DNAH12: variants seen among roughly 807,000 people sequenced by gnomAD.
DNAH12 encodes dynein axonemal heavy chain 12, also known as axonemal beta dynein heavy chain 12.
A neutral mutation model predicts 371.5 loss-of-function variants in DNAH12; 285 were observed. The observed-to-expected ratio is 0.77, with a 90% CI of 0.70 to 0.85. The LOEUF is 0.85. DNAH12 is among the 40% of genes least tolerant of loss of function. The pLI is 0.00. For synonymous variants in DNAH12, 1,200 were observed against 1,213.0 expected (o/e 0.99, Z 0.22); for missense variants, 3,611 against 3,689.4 (o/e 0.98, Z 0.55).
chr3:57,446,284 AAAAGG>A lies in DNAH12; in HGVS notation c.3940-19_3940-15del. On this transcript the variant is annotated splice_polypyrimidine_tract_variant and intron_variant, in intron 26 of 73. Transcript: ENST00000495027. ...TCCTTTAAAAAACTAAGGACAAAGA[AAAAGG>A]AAAGTGATTTTTTTCTCAGGAAAGG... 6.5e-7 allele frequency: 1 copy of A among 1,542,290 alleles called. No individual in the cohort carries two copies. Among genetic ancestry groups the A allele is most frequent in the Non-Finnish European group, 8.8e-7 (1 of 1,142,076 alleles).
intron 11 of DNAH12, among the ~76,000 whole-genome samples, chr3:57,494,560 T>TAAAAC (rs1353953578): frequency 2.0e-5 from 3 of 151,840 alleles, no homozygotes; most frequent in African/African-American, 7.3e-5. Context: ...AGACCCTGTC[T>TAAAAC]AAAACAAAAC....
intron 60 of DNAH12, among the ~76,000 whole-genome samples, chr3:57,338,062 G>T (rs1311297409): frequency 6.6e-6 from 1 of 152,106 alleles, no homozygotes; most frequent in African/African-American, 2.4e-5. Context: ...GCTGAGGCTG[G>T]ACTGTACTGC....
intron 32 of DNAH12, among the ~76,000 whole-genome samples, chr3:57,432,209 G>A (rs1015836348): frequency 6.6e-5 from 9 of 136,184 alleles, no homozygotes; most frequent in South Asian, 2.3e-4. Flanking sequence ...TTGCCCTGTC[G>A]CCCAGGTTAG....
intron 4 of DNAH12, among the ~76,000 whole-genome samples, chr3:57,520,536 G>A (rs1475024389): frequency 1.3e-5 from 2 of 150,540 alleles, no homozygotes; most frequent in East Asian, 2.0e-4. Context: ...TCCGCCTCCC[G>A]GGTTGACGCC....
chr3:57,301,008 T>C (rs928993875), intron 70 of DNAH12, among the ~76,000 whole-genome samples: 5 of 151,936 alleles, frequency 3.3e-5, no homozygotes, highest in African/African-American at 1.2e-4. Flanking sequence ...TGGCCAATTA[T>C]TGATAAACCC....
chr3:57,326,452 C>G (rs7374022), intron 62 of DNAH12, among the ~76,000 whole-genome samples: 29,880 of 152,026 alleles, frequency 0.2, 3,187 homozygotes, highest in African/African-American at 0.24. Context: ...TCATATCCAG[C>G]CAAACTAAGC....
chr3:57,466,284 G>C (rs2066201910), intron 17 of DNAH12, among the ~76,000 whole-genome samples: 1 of 152,068 alleles, frequency 6.6e-6, no homozygotes, highest in Admixed American at 6.6e-5. Context: ...TAAAACTCTG[G>C]AACTATACAC....
intron 55 of DNAH12, 103 bp from the exon 56 acceptor site, chr3:57,368,363 T>A (rs1021796521): frequency 6.6e-6 from 1 of 152,054 alleles, no homozygotes; most frequent in Non-Finnish European, 1.5e-5. Context: ...ACAAAGTATT[T>A]CACATACATT....
intron 32 of DNAH12, 139 bp downstream of exon 32, chr3:57,433,228 G>C: frequency 9.5e-7 from 1 of 1,049,762 alleles, no homozygotes; most frequent in Non-Finnish European, 1.3e-6. Context: ...TCATTGAAAA[G>C]AGAATTTATA....
chr3:57,374,368 G>T (rs2153338544), intron 55 of DNAH12, among the ~76,000 whole-genome samples: 1 of 152,244 alleles, frequency 6.6e-6, no homozygotes, highest in East Asian at 1.9e-4. Context: ...ACAGTCCCAT[G>T]AAAAGACTTT....
intron 13 of DNAH12, among the ~76,000 whole-genome samples, chr3:57,473,208 C>T (rs891016133): frequency 6.6e-6 from 1 of 151,966 alleles, no homozygotes; most frequent in South Asian, 2.1e-4. Context: ...GTGAGTTGGC[C>T]AGGTACGGTA....
chr3:57,428,400 T>C (rs1168034938), intron 34 of DNAH12: 1 of 1,467,572 alleles, frequency 6.8e-7, no homozygotes, highest in Non-Finnish European at 9.1e-7. Flanking sequence ...GGAAAGTAAT[T>C]AGAATTTTTA....
chr3:57,471,940 T>C (rs1005120379), intron 14 of DNAH12, among the ~76,000 whole-genome samples: 1 of 152,180 alleles, frequency 6.6e-6, no homozygotes, highest in Admixed American at 6.5e-5. Context: ...ACTGGTATTA[T>C]TATTCTCATT....
At chr3:57,460,588 T>C (rs1156887894) in intron 19 of DNAH12, among the ~76,000 whole-genome samples, 2 of 152,180 alleles carry the variant, frequency 1.3e-5, no homozygotes, top group Admixed American at 1.3e-4. Flanking sequence ...AAAAAAGTAA[T>C]ATCTTATCAG....
In DNAH12 at chr3:57,475,009, C is replaced by T. The variant is rs184593367; in HGVS notation, c.1651-2338G>A. Among the ~76,000 whole-genome samples the T allele has an allele frequency of 2.0e-5, 3 of 150,620 alleles. No individual in the cohort carries two copies. The East Asian group carries it at 5.9e-4, about 29-fold the overall frequency. On this transcript the variant is annotated intron_variant, in intron 13 of 73. Coordinates refer to ENST00000495027, the MANE Select transcript of DNAH12 (RefSeq NM_001366028.2). ...AAGGCCAATGGAACAGAACAAGCTGCCTCAAAACAGATCTACACATATACG... is the reference window on the plus strand; with the variant it reads ...AAGGCCAATGGAACAGAACAAGCTGTCTCAAAACAGATCTACACATATACG...
At chr3:57,391,277 A>T (rs2153347119) in intron 45 of DNAH12, among the ~76,000 whole-genome samples, 1 of 152,234 alleles carries the variant, frequency 6.6e-6, no homozygotes, top group Admixed American at 6.5e-5. Context: ...TGTTCAATCC[A>T]ATGGAACAAA....
chr3:57,404,114 T>C (rs1451044310), intron 42 of DNAH12, among the ~76,000 whole-genome samples: 1 of 152,220 alleles, frequency 6.6e-6, no homozygotes, highest in African/African-American at 2.4e-5. Flanking sequence ...GAAAATAGCC[T>C]AGAGAAATTC....
At chr3:57,332,467 G>T (rs942139368) in intron 62 of DNAH12, among the ~76,000 whole-genome samples, 2 of 152,214 alleles carry the variant, frequency 1.3e-5, no homozygotes, top group Admixed American at 1.3e-4. Context: ...GCAATAGGTG[G>T]TATAGGACTG....
At chr3:57,353,995 C>A (rs1443118311) in intron 59 of DNAH12, among the ~76,000 whole-genome samples, 2 of 152,194 alleles carry the variant, frequency 1.3e-5, no homozygotes, top group African/African-American at 4.8e-5. Context: ...ACAGAACTAC[C>A]ATTTGACCCA....
Sources: allele counts gnomAD v4.1 joint callset (sites outside exome capture counted in the v4.1 genomes callset), GRCh38; gene constraint gnomAD v4.1.1; transcripts MANE v1.5; gene names NCBI Gene and HGNC (gene_info 2026-07-23, HGNC 2026-07-21).